EHMT1: variants seen among roughly 807,000 people sequenced by gnomAD.
The protein encoded by EHMT1 is histone-lysine N-methyltransferase EHMT1.
A neutral mutation model predicts 147.2 loss-of-function variants in EHMT1; 15 were observed. The observed-to-expected ratio is 0.10, with a 90% CI of 0.07 to 0.16. The LOEUF is 0.16. Ranked by LOEUF, EHMT1 falls within the 10% of genes least tolerant of loss-of-function variation. EHMT1 has a pLI of 1.00. For missense variants in EHMT1, 1,587 were observed against 1,772.4 expected (o/e 0.90, Z 1.88); for synonymous variants, 795 against 709.6 (o/e 1.12, Z -1.91).
chr9:137,775,011 G>T lies in EHMT1; in HGVS notation c.1648-98G>T, dbSNP rs2136644642. 1.3e-6 allele frequency: 2 copies of T among 1,572,518 alleles called. No homozygotes were observed. The highest frequency in any genetic ancestry group is 2.2e-5 in the South Asian group (2 of 89,660). On this transcript the variant is annotated intron_variant, in intron 10 of 26. Coordinates refer to ENST00000460843, the MANE Select transcript of EHMT1 (RefSeq NM_024757.5). The surrounding 1 kb of genome is among the most constrained non-coding windows in gnomAD (Gnocchi z 6.1). ...TCGGCTCAGTCAGCCCACACCTGCT[G>T]AGCAGCTCTTGTGTGCCTGCACTGC...
chr9:137,682,871 C>A (rs1483307999), intron 1 of EHMT1, among the ~76,000 whole-genome samples: 2 of 152,202 alleles, frequency 1.3e-5, no homozygotes, highest in African/African-American at 4.8e-5. Context: ...ATGGGTCACT[C>A]CAGCCCAGCT....
intron 1 of EHMT1, among the ~76,000 whole-genome samples, chr9:137,638,841 A>G (rs1462289100): frequency 1.3e-5 from 2 of 152,140 alleles, no homozygotes; most frequent in Admixed American, 6.5e-5. Context: ...TGATGCTTCC[A>G]TAAGCCAAGG....
At chr9:137,692,478 C>A (rs1943024210) in intron 1 of EHMT1, among the ~76,000 whole-genome samples, 1 of 151,684 alleles carries the variant, frequency 6.6e-6, no homozygotes, top group African/African-American at 2.4e-5. Flanking sequence ...TTGGCCAGGC[C>A]CGATCTCGAA....
chr9:137,785,390 CGCTGAGCCCGTGAGGGTGGGCCGT>C (rs1342605191), intron 15 of EHMT1: 1 of 139,348 alleles, frequency 7.2e-6, no homozygotes, highest in Non-Finnish European at 1.5e-5. Flanking sequence ...GGGTGGGGTG[CGCTGAGCCCGTGAGGGTGGGCCGT>C]GCTGAGCCCC....
Position 137,782,168 on chromosome 9 carries a change from G to A in EHMT1, c.2276-123G>A. 1 of 886,392 alleles carries A rather than the reference G, an allele frequency of 1.1e-6. No individual in the cohort carries two copies. The allele number at this position is 886,392 out of a possible 1,614,324, so 54.9% of individuals were successfully genotyped here. ...GGTGCTGTGGGCGGGTTCCGGCGTG[G>A]CTCGAGGTGGCTGTTTATGTGGAGG... On this transcript the variant is annotated intron_variant, in intron 14 of 26. Transcript: ENST00000460843. The surrounding 1 kb of genome is among the most constrained non-coding windows in gnomAD (Gnocchi z 5.7).
chr9:137,639,098 T>C (rs1281956049), intron 1 of EHMT1, among the ~76,000 whole-genome samples: 4 of 152,262 alleles, frequency 2.6e-5, no homozygotes, highest in Admixed American at 6.5e-5. Flanking sequence ...CTTGTGACTT[T>C]AGAAGTGTGT....
chr9:137,743,258 T>C, intron 4 of EHMT1, 113 bp from the exon 5 acceptor site: 3 of 1,379,884 alleles, frequency 2.2e-6, no homozygotes, highest in Non-Finnish European at 2.9e-6. Flanking sequence ...TGATGGGGTT[T>C]GCTGGTGATT....
At chr9:137,664,817 C>A (rs1479823284) in intron 1 of EHMT1, 1 of 152,204 alleles carries the variant, frequency 6.6e-6, no homozygotes, top group Non-Finnish European at 1.5e-5. Context: ...TAAGATGGAT[C>A]TGTTGACATT....
intron 18 of EHMT1, among the ~76,000 whole-genome samples, chr9:137,802,140 C>G (rs919395697): frequency 3.3e-5 from 5 of 152,354 alleles, no homozygotes; most frequent in African/African-American, 1.2e-4. Context: ...ACTAGAAGAT[C>G]TTCAGGGACC....
chr9:137,779,846 T>G, intron 14 of EHMT1, 129 bp downstream of exon 14: 1 of 1,007,228 alleles, frequency 9.9e-7, no homozygotes, highest in Non-Finnish European at 1.5e-6. Context: ...GTCTCCGAGT[T>G]CTCTGATGAG....
chr9:137,703,934 G>A (rs974527256), intron 1 of EHMT1, among the ~76,000 whole-genome samples: 2 of 152,240 alleles, frequency 1.3e-5, no homozygotes, highest in Admixed American at 1.3e-4. Flanking sequence ...GGTTTGATCA[G>A]CTCATGGTTC....
intron 25 of EHMT1, among the ~76,000 whole-genome samples, chr9:137,829,131 G>A (rs866467135): frequency 6.6e-6 from 1 of 152,184 alleles, no homozygotes; most frequent in East Asian, 1.9e-4. Context: ...GCCACCACCT[G>A]TCTGCCACCT....
intron 1 of EHMT1, among the ~76,000 whole-genome samples, chr9:137,670,610 C>G (rs1461733935): frequency 6.6e-6 from 1 of 152,198 alleles, no homozygotes. Flanking sequence ...CTGCGCCTCT[C>G]TCTTCTGACT....
intron 8 of EHMT1, among the ~76,000 whole-genome samples, chr9:137,756,230 G>C (rs1160712084): frequency 6.6e-6 from 1 of 152,204 alleles, no homozygotes; most frequent in Non-Finnish European, 1.5e-5. Context: ...TGTGGCGCAG[G>C]CCCCTTCTTG....
chr9:137,777,830 C>CA (rs2136707812), intron 12 of EHMT1, 52 bp from the exon 13 acceptor site: 1 of 1,607,096 alleles, frequency 6.2e-7, no homozygotes, highest in Admixed American at 1.7e-5. Flanking sequence ...AGAGTCGGAA[C>CA]AGGCCATGTT....
chr9:137,648,855 T>C (rs1286479934), intron 1 of EHMT1, among the ~76,000 whole-genome samples: 2 of 152,188 alleles, frequency 1.3e-5, no homozygotes, highest in South Asian at 2.1e-4. Context: ...TTTCCCTGAC[T>C]TCTCTCCCTA....
intron 25 of EHMT1, chr9:137,832,544 C>T (rs1263838382): frequency 1.3e-5 from 2 of 152,162 alleles, no homozygotes; most frequent in Non-Finnish European, 2.9e-5. Context: ...CCCCACCCAC[C>T]CATGTGGCCC....
At chr9:137,791,610 T>A (rs1952531497) in intron 16 of EHMT1, among the ~76,000 whole-genome samples, 1 of 152,172 alleles carries the variant, frequency 6.6e-6, no homozygotes, top group Non-Finnish European at 1.5e-5. Context: ...TGAAGGAAAT[T>A]AAAGAAGACC....
intron 10 of EHMT1, among the ~76,000 whole-genome samples, chr9:137,769,126 C>T (rs1262083765): frequency 2.6e-5 from 4 of 152,218 alleles, no homozygotes; most frequent in Non-Finnish European, 4.4e-5. Context: ...TCACAGTCTA[C>T]CTCCAACAAA....
Sources: gnomAD v4.1 joint callset for allele counts (sites outside exome capture counted in the v4.1 genomes callset) on GRCh38, gnomAD v4.1.1 for gene constraint, Gnocchi (gnomAD v3.1) non-coding constraint, MANE v1.5 for transcripts, NCBI Gene and HGNC (gene_info 2026-07-23, HGNC 2026-07-21) for gene names.